KANSL1: variants seen among roughly 807,000 people sequenced by gnomAD.
KANSL1 encodes KAT8 regulatory NSL complex subunit 1, also known as MLL1/MLL complex subunit KANSL1.
A neutral mutation model predicts 103.6 loss-of-function variants in KANSL1; 22 were observed. The observed-to-expected ratio is 0.21, with a 90% CI of 0.15 to 0.30. The LOEUF (loss-of-function observed/expected upper bound fraction) is 0.30. KANSL1 is among the 10% of genes least tolerant of loss of function. The pLI is 1.00. For missense variants in KANSL1, 1,337 were observed against 1,399.8 expected (o/e 0.96, Z 0.72); for synonymous variants, 600 against 527.6 (o/e 1.14, Z -1.88).
In KANSL1 at chr17:46,170,935, A is replaced by G; in HGVS notation, c.1209T>C (p.Thr403=). The change falls in exon 2 of 15, where the codon ACT becomes ACC. Residue 403 remains threonine, a synonymous_variant. Coordinates refer to ENST00000432791, the MANE Select transcript of KANSL1 (RefSeq NM_015443.4). ...CSEQAFDSDV[T]DSSSGGESDI... ...CAGACTCCCCTCCTGAACTACTGTC[A>G]GTGACATCTGAATCAAATGCCTGTT... 1.2e-6 allele frequency: 2 copies of G among 1,614,186 alleles called. No individual in the cohort carries two copies. The highest frequency in any genetic ancestry group is 1.7e-6 in the Non-Finnish European group (2 of 1,180,046).
At chr17:46,183,559 AG>A (rs2046885369) in intron 1 of KANSL1, among the ~76,000 whole-genome samples, 1 of 148,216 alleles carries the variant, frequency 6.7e-6, no homozygotes, top group South Asian at 2.1e-4. Flanking sequence ...AAAAGAGGAG[AG>A]GGGAGGAGAG....
rs76972944 is a variant in KANSL1, at chr17:46,193,300, G to C, written c.-567C>G. 0.11 allele frequency: 17,113 copies of C among 149,954 alleles called. No homozygotes were observed. Among genetic ancestry groups the C allele is most frequent in the Non-Finnish European group, 0.17 (11,560 of 66,670 alleles). 9.3% of individuals were successfully genotyped at this position (149,954 alleles called of 1,614,324 possible). The stretch of plus-strand genomic sequence containing the variant: ...CCCCCGCGCCGCCGCGGCGAGACGA[G>C]TCGGCTTCGCTACGGTGCTCGGTTC... On this transcript the variant is annotated 5_prime_UTR_variant, in exon 1 of 15. Transcript: ENST00000432791.
At chr17:46,073,857 A>C (rs1256204043) in intron 4 of KANSL1, among the ~76,000 whole-genome samples, 3 of 152,220 alleles carry the variant, frequency 2.0e-5, no homozygotes, top group Non-Finnish European at 4.4e-5. Flanking sequence ...CAGGGGTACT[A>C]GATGACAACT....
intron 2 of KANSL1, among the ~76,000 whole-genome samples, chr17:46,158,102 T>C (rs1483465947): frequency 1.3e-5 from 2 of 152,270 alleles, no homozygotes; most frequent in Non-Finnish European, 2.9e-5. Context: ...TCAACTATGC[T>C]AATTTTATGC....
At chr17:46,054,546 CA>C (rs1471919066) in intron 6 of KANSL1, among the ~76,000 whole-genome samples, 2 of 152,200 alleles carry the variant, frequency 1.3e-5, no homozygotes, top group African/African-American at 4.8e-5. Context: ...ATCTCAATCA[CA>C]TCATACCAAC....
At chr17:46,131,742 A>G (rs1420900597) in intron 2 of KANSL1, among the ~76,000 whole-genome samples, 3 of 152,238 alleles carry the variant, frequency 2.0e-5, no homozygotes, top group Non-Finnish European at 4.4e-5. Flanking sequence ...ATGCAGTACA[A>G]ACTAAGTTTT....
chr17:46,105,945 ACACCC>A lies in KANSL1; in HGVS notation c.1290-11249_1290-11245del, dbSNP rs1228246731. Among the ~76,000 whole-genome samples, 206 of 90,288 alleles carry A rather than the reference ACACCC, an allele frequency of 2.3e-3. 1 individual carries two copies. Among genetic ancestry groups the A allele is most frequent in the Non-Finnish European group, 4.0e-3 (149 of 37,370 alleles). 59.2% of individuals were successfully genotyped at this position (90,288 alleles called of 152,430 possible). A position where few individuals can be genotyped will look rare whatever the true frequency, so the allele number is the denominator to read the frequency against. On this transcript the variant is annotated intron_variant, in intron 2 of 14. Coordinates refer to ENST00000432791, the MANE Select transcript of KANSL1 (RefSeq NM_015443.4). Reference sequence around the variant, plus strand: ...CACACACACACACACACACACACACACACCCCCCCAGAAGGGTGAAGGAGCAGAAA... The same window carrying A: ...CACACACACACACACACACACACACACCCCAGAAGGGTGAAGGAGCAGAAA...
intron 1 of KANSL1, among the ~76,000 whole-genome samples, chr17:46,203,176 AGT>A (rs1418076310): frequency 1.3e-5 from 2 of 152,160 alleles, no homozygotes; most frequent in African/African-American, 2.4e-5. Flanking sequence ...TAGAGGTTGC[AGT>A]GTCAGTGAGC....
In KANSL1 at chr17:46,067,486, T is replaced by C. The variant is rs2078422043; in HGVS notation, c.1652+63A>G. The C allele has an allele frequency of 1.4e-5, 14 of 1,001,552 alleles. No individual in the cohort carries two copies. In the South Asian group the frequency reaches 1.7e-4, roughly 12 times the overall value. 62.0% of individuals were successfully genotyped at this position (1,001,552 alleles called of 1,614,324 possible). Reference sequence around the variant, plus strand: ...AGGGTCAGTCCTGGCTAAAGAGAACTAAGAGCTCCAAAACACCTTTACAAG... The same window carrying C: ...AGGGTCAGTCCTGGCTAAAGAGAACCAAGAGCTCCAAAACACCTTTACAAG... On this transcript the variant is annotated intron_variant, in intron 5 of 14. Transcript: ENST00000432791.
Position 46,031,577 on chromosome 17 carries a change from C to G in KANSL1, c.3217G>C (p.Gly1073Arg). Residue 1073 changes from glycine (G) to arginine (R), a missense_variant, in exon 15 of 15, where the codon GGC (glycine) becomes CGC (arginine). This residue lies in a region of KANSL1 where 780 missense variants were observed against 923.4 expected (regional missense o/e 0.84). Transcript: ENST00000432791. ...GTGGGCGCTGCCTCTGTCTCCCGGCCAGTCTTGCTGCCTGAGGTGCGTCGA... is the reference window on the plus strand; with the variant it reads ...GTGGGCGCTGCCTCTGTCTCCCGGCGAGTCTTGCTGCCTGAGGTGCGTCGA... ...CTRRTSGSKT[G>R]RETEAAPTSP... 1 of 1,614,148 alleles carries G rather than the reference C, an allele frequency of 6.2e-7. No individual in the cohort carries two copies. The highest frequency in any genetic ancestry group is 8.5e-7 in the Non-Finnish European group (1 of 1,180,024).
chr17:46,092,040 G>A (rs62061771), intron 3 of KANSL1, among the ~76,000 whole-genome samples: 21,632 of 151,780 alleles, frequency 0.14, 2,123 homozygotes, highest in Non-Finnish European at 0.22. Context: ...GGCTAGTCTC[G>A]AACTCCTCAC....
At chr17:46,032,463 G>A (rs576516588) in intron 13 of KANSL1, 164 bp from the exon 14 acceptor site, 57 of 570,038 alleles carry the variant, frequency 1.0e-4, no homozygotes, top group Middle Eastern at 8.4e-4. Context: ...TCTCTGGAGG[G>A]GTAGGTATAC....
Position 46,159,976 on chromosome 17 carries a change from T to C in KANSL1, c.1289+10879A>G, listed in dbSNP as rs575885017. On this transcript the variant is annotated intron_variant, in intron 2 of 14. Transcript: ENST00000432791. ...AGTTACAGCAAACAGCAAAGCTATG[T>C]GCCTTCAGGTTGCTCCATTTCTCAA... Among the ~76,000 whole-genome samples the C allele has an allele frequency of 9.2e-5, 14 of 152,340 alleles. No homozygotes were observed. In the South Asian group the frequency reaches 2.5e-3, roughly 27 times the overall value.
chr17:46,034,336 A>C, intron 10 of KANSL1, 51 bp from the exon 11 acceptor site: 5 of 1,598,684 alleles, frequency 3.1e-6, no homozygotes, highest in Middle Eastern at 1.7e-4. Context: ...TACAGACATC[A>C]AATCATTCAT....
In KANSL1 at chr17:46,033,452, T is replaced by C; in HGVS notation, c.2675A>G (p.Glu892Gly). The change falls in exon 12 of 15, where the codon GAG (glutamate) becomes GGG (glycine). Residue 892 changes from glutamate to glycine, a missense_variant. Transcript: ENST00000432791. ...CCCCTTCAGAGACTGAAGATCAACC[T>C]CCCGCCAGCTGCAAAACCAAGAACA... ...YKEILTPSWR[E>G]VDLQSLKGSP... The C allele has an allele frequency of 6.2e-7, 1 of 1,613,916 alleles. No individual in the cohort carries two copies. The highest frequency in any genetic ancestry group is 8.5e-7 in the Non-Finnish European group (1 of 1,179,986).
At chr17:46,099,989 A>G (rs1212922317) in intron 2 of KANSL1, among the ~76,000 whole-genome samples, 1 of 152,234 alleles carries the variant, frequency 6.6e-6, no homozygotes, top group East Asian at 1.9e-4. Context: ...TTAACCAGCT[A>G]TGTGCTAGTA....
chr17:46,194,745 C>G (rs2047548238), upstream of KANSL1, among the ~76,000 whole-genome samples: 1 of 152,224 alleles, frequency 6.6e-6, no homozygotes, highest in African/African-American at 2.4e-5. Context: ...ATGCTTCACA[C>G]TTTTTTGTGG....
At chr17:46,177,242 A>T (rs1410813706) in intron 1 of KANSL1, among the ~76,000 whole-genome samples, 1 of 152,248 alleles carries the variant, frequency 6.6e-6, no homozygotes, top group Non-Finnish European at 1.5e-5. Flanking sequence ...ACCTGGAGCA[A>T]CCACCCAGTA....
Position 46,155,523 on chromosome 17 carries a change from T to C in KANSL1, c.1289+15332A>G, listed in dbSNP as rs537445564. On this transcript the variant is annotated intron_variant, in intron 2 of 14. Transcript: ENST00000432791. ...ACATATAATAAAGTCTGGAAAAATT[T>C]TGTTGTCTCAACTAGGGTGAGGGAA... Among the ~76,000 whole-genome samples the C allele has an allele frequency of 7.4e-4, 113 of 152,304 alleles. 1 individual carries two copies. The highest frequency in any genetic ancestry group is 1.2e-3 in the Non-Finnish European group (85 of 68,026).
Sources: allele counts gnomAD v4.1 joint callset (sites outside exome capture counted in the v4.1 genomes callset), GRCh38; gene constraint gnomAD v4.1.1; regional missense constraint gnomAD v4.1.1; transcripts MANE v1.5; gene names NCBI Gene and HGNC (gene_info 2026-07-23, HGNC 2026-07-21).